ZNF800: variants seen among roughly 807,000 people sequenced by gnomAD.
ZNF800 encodes the protein zinc finger protein 800.
Under a neutral mutation model 59.5 loss-of-function variants are expected in ZNF800, and 13 were observed. The ratio of observed to expected loss-of-function variants is 0.22; its 90% CI spans 0.14 to 0.35. ZNF800 has a LOEUF of 0.35. Among genes scored for constraint, ZNF800 ranks in the 10% least tolerant of loss-of-function variants. The pLI, the probability that ZNF800 is intolerant of heterozygous loss-of-function variation, is 1.00. For synonymous variants in ZNF800, 266 were observed against 265.7 expected (o/e 1.00, Z -0.01); for missense variants, 621 against 783.7 (o/e 0.79, Z 2.48).
chr7:127,346,872 C>T (rs1800074715), exon 2 of ZNF800: 1 of 152,636 alleles, frequency 6.6e-6, no homozygotes, highest in Admixed American at 6.5e-5. Flanking sequence ...CTGCATGCAG[C>T]ATAGTTCTCA....
In ZNF800 at chr7:127,371,239, T is replaced by C. The variant is rs1294523918; in HGVS notation, c.*575A>G. 1 of 152,596 alleles carries C rather than the reference T, an allele frequency of 6.6e-6. No homozygotes were observed. The highest frequency in any genetic ancestry group is 1.5e-5 in the Non-Finnish European group (1 of 68,000). The allele number at this position is 152,596 out of a possible 1,614,324, so 9.5% of individuals were successfully genotyped here. ...AGGATGAAACTTTCAAACACTGAAG[T>C]GCTGGAGAACAAGCTAGAAATAAAT... On this transcript the variant is annotated 3_prime_UTR_variant, in exon 6 of 6. Coordinates refer to ENST00000265827, the MANE Select transcript of ZNF800 (RefSeq NM_176814.5).
intron 1 of ZNF800, among the ~76,000 whole-genome samples, chr7:127,352,247 T>C (rs911906094): frequency 1.6e-4 from 24 of 152,230 alleles, no homozygotes; most frequent in African/African-American, 5.8e-4. Context: ...CAAAACCAGT[T>C]ATGCTTATTC....
At chr7:127,348,415 T>A (rs1278620745) in intron 1 of ZNF800, among the ~76,000 whole-genome samples, 26 of 116,568 alleles carry the variant, frequency 2.2e-4, no homozygotes, top group Non-Finnish European at 2.2e-4. Context: ...AAAAAAAAAA[T>A]GCCAGAAAAA....
chr7:127,348,385 C>A (rs1587418004), intron 1 of ZNF800, among the ~76,000 whole-genome samples: 1 of 135,402 alleles, frequency 7.4e-6, no homozygotes, highest in East Asian at 2.1e-4. Flanking sequence ...ACAGGGTGTT[C>A]AGTGCAGTAT....
intron 3 of ZNF800, among the ~76,000 whole-genome samples, chr7:127,379,379 C>G (rs1459531325): frequency 6.6e-6 from 1 of 152,160 alleles, no homozygotes; most frequent in East Asian, 1.9e-4. Context: ...CTTTTGCACA[C>G]TGATTCTAAA....
chr7:127,362,051 G>A (rs1287972818), intron 1 of ZNF800: 1 of 152,064 alleles, frequency 6.6e-6, no homozygotes, highest in Non-Finnish European at 1.5e-5. Flanking sequence ...AGGCCTCAAC[G>A]TGTGCACAAT....
At chr7:127,344,096 G>A (rs139714868), downstream of ZNF800, among the ~76,000 whole-genome samples, 1 of 152,012 alleles carries the variant, frequency 6.6e-6, no homozygotes, top group African/African-American at 2.4e-5. Context: ...AACACATGAG[G>A]TATAAATATT....
At chr7:127,355,173 C>T (rs1402430708) in intron 1 of ZNF800, among the ~76,000 whole-genome samples, 27 of 152,020 alleles carry the variant, frequency 1.8e-4, no homozygotes, top group Non-Finnish European at 4.0e-4. Flanking sequence ...TTCTAAAAAT[C>T]ATCCATAATC....
intron 1 of ZNF800, chr7:127,361,378 A>G (rs952517477): frequency 6.6e-6 from 1 of 152,136 alleles, no homozygotes; most frequent in Non-Finnish European, 1.5e-5. Context: ...AGGATTCGAC[A>G]CCAGCCTGAG....
At chr7:127,389,464 C>G (rs1345114852) in intron 2 of ZNF800, among the ~76,000 whole-genome samples, 1 of 152,222 alleles carries the variant, frequency 6.6e-6, no homozygotes, top group Non-Finnish European at 1.5e-5. Context: ...ATTCATAATC[C>G]AAATGTGGAC....
chr7:127,344,987 G>T (rs1050662609), downstream of ZNF800, among the ~76,000 whole-genome samples: 1 of 152,094 alleles, frequency 6.6e-6, no homozygotes, highest in Admixed American at 6.6e-5. Flanking sequence ...AATAAAAAAT[G>T]CAATATTTCT....
At chr7:127,391,417 A>G in intron 2 of ZNF800, 80 bp downstream of exon 2, 1 of 1,356,508 alleles carries the variant, frequency 7.4e-7, no homozygotes, top group Non-Finnish European at 1.1e-6. Context: ...CTGGGGCAGG[A>G]GGAAAAAAAG....
At position 127,377,623 on chromosome 7, in the gene ZNF800, A is replaced by G. The variant is rs1181161770; in HGVS notation, c.158-294T>C. Among the ~76,000 whole-genome samples, 1 of 152,020 alleles carries G rather than the reference A, an allele frequency of 6.6e-6. No homozygotes were observed. Among genetic ancestry groups the G allele is most frequent in the Non-Finnish European group, 1.5e-5 (1 of 67,906 alleles). On this transcript the variant is annotated intron_variant, in intron 3 of 5. Transcript: ENST00000265827. The surrounding 1 kb of genome is among the most constrained non-coding windows in gnomAD (Gnocchi z 4.7). ...CAGTGGTTCCGACATGAGGTTAATC[A>G]TTACAATGAGCTGGGAATAAAGATG...
At chr7:127,381,458 T>C (rs1040087634) in intron 3 of ZNF800, among the ~76,000 whole-genome samples, 11 of 151,968 alleles carry the variant, frequency 7.2e-5, no homozygotes, top group African/African-American at 2.7e-4. Context: ...ATATGTTAAT[T>C]ATAGAGCACT....
downstream of ZNF800, among the ~76,000 whole-genome samples, chr7:127,367,323 GCATAA>G (rs1036489270): frequency 2.0e-5 from 3 of 152,080 alleles, no homozygotes; most frequent in Non-Finnish European, 2.9e-5. Context: ...CAAAAAAAGA[GCATAA>G]CATAACATTT....
At position 127,374,132 on chromosome 7, in the gene ZNF800, T is replaced by C; in HGVS notation, c.1204A>G (p.Asn402Asp). 1 of 1,613,722 alleles carries C rather than the reference T, an allele frequency of 6.2e-7. No homozygotes were observed. The highest frequency in any genetic ancestry group is 1.3e-5 in the African/African-American group (1 of 74,974). Residue 402 changes from asparagine to aspartate, a missense_variant, in exon 5 of 6, where the codon AAC (asparagine) becomes GAC (aspartate). Physicochemically the swap from Asn to Asp is conservative, Grantham distance 23 (BLOSUM62 1). This residue lies in a region of ZNF800 where 185 missense variants were observed against 177.6 expected (regional missense o/e 1.04). Transcript: ENST00000265827. Reference protein sequence around the residue: ...KREKGPNNTANSSEIKVKVEP... With the variant: ...KREKGPNNTADSSEIKVKVEP... The stretch of plus-strand genomic sequence containing the variant: ...ACTTTAACTTTTATTTCTGAACTGT[T>C]GGCAGTATTATTAGGGCCTTTTTCT...
chr7:127,383,389 T>C (rs1449367687), intron 3 of ZNF800, among the ~76,000 whole-genome samples: 5 of 152,234 alleles, frequency 3.3e-5, no homozygotes, highest in African/African-American at 1.2e-4. Flanking sequence ...AAGCATGGAC[T>C]TCAGGGTTCT....
chr7:127,342,925 CT>C (rs762522812), downstream of ZNF800, among the ~76,000 whole-genome samples: 1 of 151,998 alleles, frequency 6.6e-6, no homozygotes, highest in Non-Finnish European at 1.5e-5. Context: ...TAAGTTTATT[CT>C]TTATTAAAAA....
In ZNF800 at chr7:127,370,057, T is replaced by C. The variant is rs934104068; in HGVS notation, c.*1757A>G. 3.9e-5 allele frequency: 6 copies of C among 152,198 alleles called. No individual in the cohort carries two copies. Among genetic ancestry groups the C allele is most frequent in the Admixed American group, 2.0e-4 (3 of 15,282 alleles). 9.4% of individuals were successfully genotyped at this position (152,198 alleles called of 1,614,324 possible). Reference sequence around the variant, plus strand: ...TAACACCTTGCAAAAGTCAAACATATAGGTTTAATAATGTGCAACTAATGA... The same window carrying C: ...TAACACCTTGCAAAAGTCAAACATACAGGTTTAATAATGTGCAACTAATGA... On this transcript the variant is annotated 3_prime_UTR_variant, in exon 6 of 6. Transcript: ENST00000265827.
Sources: allele counts gnomAD v4.1 joint callset (sites outside exome capture counted in the v4.1 genomes callset), GRCh38; gene constraint gnomAD v4.1.1; regional missense constraint gnomAD v4.1.1; non-coding constraint Gnocchi (gnomAD v3.1); transcripts MANE v1.5; gene names NCBI Gene and HGNC (gene_info 2026-07-23, HGNC 2026-07-21).